The following HTR4 variants were observed in gnomAD, a reference collection of about 807,000 sequenced individuals.
HTR4 encodes 5-hydroxytryptamine receptor 4, also known as 5-hydroxytryptamine (serotonin) receptor 4, G protein-coupled.
HTR4 carries 16 observed loss-of-function variants against 36.8 expected under a neutral mutation model. The ratio of observed to expected loss-of-function variants is 0.43; its 90% CI spans 0.29 to 0.66. The LOEUF (loss-of-function observed/expected upper bound fraction) is 0.66. Ranked by LOEUF, HTR4 falls within the 30% of genes least tolerant of loss-of-function variation. The pLI, the probability that HTR4 is intolerant of heterozygous loss-of-function variation, is 0.13. For synonymous variants in HTR4, 189 were observed against 185.1 expected (o/e 1.02, Z -0.17); for missense variants, 438 against 490.9 (o/e 0.89, Z 1.02).
At chr5:148,514,127 C>G (rs972313338) in intron 5 of HTR4, among the ~76,000 whole-genome samples, 1 of 152,060 alleles carries the variant, frequency 6.6e-6, no homozygotes, top group South Asian at 2.1e-4. Flanking sequence ...CTTGATAGGG[C>G]CTCCCATCTA....
intron 4 of HTR4, among the ~76,000 whole-genome samples, chr5:148,541,008 C>T (rs915320268): frequency 2.8e-4 from 42 of 152,158 alleles, no homozygotes; most frequent in African/African-American, 9.4e-4. Context: ...TTACCAAGTA[C>T]CATGCACTGG....
intron 2 of HTR4, among the ~76,000 whole-genome samples, chr5:148,563,216 T>C (rs941824031): frequency 1.3e-5 from 2 of 152,294 alleles, no homozygotes; most frequent in Middle Eastern, 6.8e-3. Context: ...TTCCACACTG[T>C]TCCCAGATGG....
chr5:148,582,790 C>T lies in HTR4; in HGVS notation c.27-32528G>A, dbSNP rs540529153. Among the ~76,000 whole-genome samples the T allele has an allele frequency of 1.2e-4, 18 of 152,148 alleles. No individual in the cohort carries two copies. The East Asian group carries it at 3.1e-3, about 26-fold the overall frequency. ...GATTTTTGTACGTTGATTTTGTATCCTGAGACTTTGCTGAAGTTGCTTATC... is the reference window on the plus strand; with the variant it reads ...GATTTTTGTACGTTGATTTTGTATCTTGAGACTTTGCTGAAGTTGCTTATC... On this transcript the variant is annotated intron_variant, in intron 2 of 6. Transcript: ENST00000377888.
chr5:148,578,279 T>G (rs1305504273), intron 2 of HTR4, among the ~76,000 whole-genome samples: 4 of 151,928 alleles, frequency 2.6e-5, no homozygotes, highest in Non-Finnish European at 5.9e-5. Flanking sequence ...TTTCTTAGTC[T>G]GAACTATTTT....
rs182783139 is a variant in HTR4 at position 148,517,916 on chromosome 5, C to T, written c.507+5277G>A. Among the ~76,000 whole-genome samples, 265 of 152,192 alleles carry T rather than the reference C, an allele frequency of 1.7e-3. 2 individuals are homozygous for T. Among genetic ancestry groups the T allele is most frequent in the African/African-American group, 5.7e-3 (237 of 41,542 alleles). On this transcript the variant is annotated intron_variant, in intron 5 of 6. Transcript: ENST00000377888. ...TTAAAATAACCTGAAAAGTCCTACA[C>T]GATCTTTCTCCTATATATTTTTTTT...
intron 5 of HTR4, among the ~76,000 whole-genome samples, chr5:148,515,151 C>T (rs887973531): frequency 6.6e-6 from 1 of 152,010 alleles, no homozygotes; most frequent in African/African-American, 2.4e-5. Context: ...TGTATTAACA[C>T]ATTACCTCTC....
chr5:148,573,183 A>T (rs1459093099), intron 2 of HTR4, among the ~76,000 whole-genome samples: 1 of 152,062 alleles, frequency 6.6e-6, no homozygotes, highest in Non-Finnish European at 1.5e-5. Context: ...AGAAAATGAA[A>T]GGTACTTTTC....
At chr5:148,568,901 A>C (rs1760561979) in intron 2 of HTR4, among the ~76,000 whole-genome samples, 1 of 152,140 alleles carries the variant, frequency 6.6e-6, no homozygotes, top group African/African-American at 2.4e-5. Context: ...AATGGTACAA[A>C]ACTTCACAAA....
At chr5:148,516,432 G>C (rs1469871976) in intron 5 of HTR4, among the ~76,000 whole-genome samples, 1 of 145,206 alleles carries the variant, frequency 6.9e-6, no homozygotes. Flanking sequence ...CGATTCTTCT[G>C]CCTCGGTCTC....
chr5:148,553,713 C>T (rs555309547), intron 2 of HTR4, among the ~76,000 whole-genome samples: 47 of 152,144 alleles, frequency 3.1e-4, no homozygotes, highest in Admixed American at 1.0e-3. Context: ...AATAAAACAA[C>T]GAATAAAAAA....
intron 5 of HTR4, among the ~76,000 whole-genome samples, chr5:148,453,130 C>G (rs1014616159): frequency 4.6e-5 from 7 of 152,168 alleles, no homozygotes; most frequent in Non-Finnish European, 7.3e-5. Flanking sequence ...TGCTTCTTTA[C>G]CCCTCAGAGG....
intron 4 of HTR4, among the ~76,000 whole-genome samples, chr5:148,548,332 T>C (rs1341942993): frequency 6.6e-6 from 1 of 152,248 alleles, no homozygotes; most frequent in Non-Finnish European, 1.5e-5. Context: ...TCATTCTTGA[T>C]GCTTAGCTTC....
chr5:148,511,549 A>G (rs2113775388), intron 5 of HTR4, among the ~76,000 whole-genome samples: 1 of 152,152 alleles, frequency 6.6e-6, no homozygotes, highest in African/African-American at 2.4e-5. Flanking sequence ...TCCAATATTG[A>G]CAGACATTTG....
chr5:148,475,981 T>C (rs951747387), downstream of HTR4, among the ~76,000 whole-genome samples: 1 of 152,254 alleles, frequency 6.6e-6, no homozygotes, highest in Non-Finnish European at 1.5e-5. Context: ...GTCCATGTAA[T>C]GTCAAAGCCC....
chr5:148,519,775 T>G (rs1359449543), intron 5 of HTR4, among the ~76,000 whole-genome samples: 7 of 152,198 alleles, frequency 4.6e-5, no homozygotes, highest in African/African-American at 1.7e-4. Context: ...GTGTCCTTTT[T>G]GCTATTTGCC....
chr5:148,556,917 G>T (rs1329267488), intron 2 of HTR4, among the ~76,000 whole-genome samples: 1 of 152,220 alleles, frequency 6.6e-6, no homozygotes, highest in East Asian at 1.9e-4. Flanking sequence ...TGTATGCAGA[G>T]AATTTGGAAG....
At chr5:148,556,654 T>C (rs1759964706) in intron 2 of HTR4, among the ~76,000 whole-genome samples, 1 of 152,200 alleles carries the variant, frequency 6.6e-6, no homozygotes. Context: ...TCCCAAATGT[T>C]AATATTTATA....
chr5:148,514,853 CCTTGA>C (rs1581408369), intron 5 of HTR4, among the ~76,000 whole-genome samples: 1 of 152,172 alleles, frequency 6.6e-6, no homozygotes. Context: ...CACCAACTTT[CCTTGA>C]CTTATCACTT....
chr5:148,491,355 A>G (rs141531538), intron 6 of HTR4, among the ~76,000 whole-genome samples: 1,879 of 151,706 alleles, frequency 0.012, 20 homozygotes, highest in Middle Eastern at 0.048. Context: ...TTAAGAATGT[A>G]TGAGGATTAA....
Sources: gnomAD v4.1 joint callset for allele counts (sites outside exome capture counted in the v4.1 genomes callset) on GRCh38, gnomAD v4.1.1 for gene constraint, MANE v1.5 for transcripts, NCBI Gene and HGNC (gene_info 2026-07-23, HGNC 2026-07-21) for gene names.